TMEM114: variants seen among roughly 807,000 people sequenced by gnomAD.
The protein encoded by TMEM114 is transmembrane protein 114, also known as claudin-26.
A neutral mutation model predicts 6.2 loss-of-function variants in TMEM114; 6 were observed. That is an observed-to-expected ratio of 0.97 (90% CI 0.53 to 1.91). The LOEUF (loss-of-function observed/expected upper bound fraction) is 1.91. Among genes scored for constraint, TMEM114 ranks in the 40% most tolerant of loss-of-function variants. The pLI is 0.01. For missense variants in TMEM114, 218 were observed against 158.3 expected (o/e 1.38, Z -2.02); for synonymous variants, 104 against 73.0 (o/e 1.42, Z -2.16).
chr16:8,554,460 C>T (rs1348549963), intron 2 of TMEM114, among the ~76,000 whole-genome samples: 3 of 152,072 alleles, frequency 2.0e-5, no homozygotes, highest in African/African-American at 7.2e-5. Context: ...GAGAGAATCT[C>T]CTTCTTGACC....
chr16:8,559,602 C>T (rs1021470794), intron 2 of TMEM114, among the ~76,000 whole-genome samples: 1 of 152,292 alleles, frequency 6.6e-6, no homozygotes, highest in South Asian at 2.1e-4. Context: ...TATCAGTCAT[C>T]AAAGCGTTGT....
In TMEM114 at chr16:8,590,048, C is replaced by A. The variant is rs1902436664; in HGVS notation, c.-210G>T. 8 of 378,364 alleles carry A rather than the reference C, an allele frequency of 2.1e-5. No individual in the cohort carries two copies. The highest frequency in any genetic ancestry group is 6.7e-4 in the Middle Eastern group (1 of 1,484). 23.4% of individuals were successfully genotyped at this position (378,364 alleles called of 1,614,324 possible). A position where few individuals can be genotyped will look rare whatever the true frequency, so the allele number is the denominator to read the frequency against. On this transcript the variant is annotated 5_prime_UTR_variant, in exon 1 of 4. Coordinates refer to ENST00000620492, the MANE Select transcript of TMEM114 (RefSeq NM_001146336.2). ...CCGGCTCCGACCTGCACGCGCCCCC[C>A]GCTCAGCCGCCGTCCACGTTCCCAC...
intron 2 of TMEM114, among the ~76,000 whole-genome samples, chr16:8,543,668 G>A (rs185202645): frequency 9.5e-4 from 144 of 152,110 alleles, no homozygotes; most frequent in Non-Finnish European, 8.8e-4. Context: ...GGCTCCTAGA[G>A]CCTCCTGACC....
intron 2 of TMEM114, among the ~76,000 whole-genome samples, chr16:8,574,518 G>A (rs892923211): frequency 2.0e-5 from 3 of 151,932 alleles, no homozygotes; most frequent in South Asian, 2.1e-4. Context: ...GTGATAAAAT[G>A]TGATTACAGG....
chr16:8,533,098 C>G (rs1900262754), downstream of TMEM114, among the ~76,000 whole-genome samples: 1 of 152,008 alleles, frequency 6.6e-6, no homozygotes, highest in Non-Finnish European at 1.5e-5. Context: ...AGTAAAAGTC[C>G]AAAGCTTACA....
At chr16:8,585,231 C>T (rs531553875) in intron 2 of TMEM114, among the ~76,000 whole-genome samples, 5 of 152,316 alleles carry the variant, frequency 3.3e-5, no homozygotes, top group South Asian at 4.1e-4. Context: ...CCCACCAGAT[C>T]CCTCCCACAA....
At chr16:8,553,530 G>A (rs529627322) in intron 2 of TMEM114, among the ~76,000 whole-genome samples, 55 of 152,236 alleles carry the variant, frequency 3.6e-4, no homozygotes, top group African/African-American at 1.3e-3. Flanking sequence ...GTGTCACCCA[G>A]GCTGGAGTGC....
chr16:8,579,281 C>G (rs1418033387), intron 2 of TMEM114, among the ~76,000 whole-genome samples: 1 of 152,070 alleles, frequency 6.6e-6, no homozygotes, highest in Non-Finnish European at 1.5e-5. Flanking sequence ...GTCTCTTACC[C>G]CAGGAACATC....
chr16:8,588,528 T>A (rs1279131141), intron 2 of TMEM114, among the ~76,000 whole-genome samples: 1 of 152,186 alleles, frequency 6.6e-6, no homozygotes. Context: ...TTAGGTTTAT[T>A]TCCCTCCCTC....
At chr16:8,552,740 G>T (rs9928649) in intron 2 of TMEM114, among the ~76,000 whole-genome samples, 1 of 149,370 alleles carries the variant, frequency 6.7e-6, no homozygotes, top group Non-Finnish European at 1.5e-5. Context: ...TGTGCTCTAA[G>T]GTCCTACCTG....
intron 2 of TMEM114, among the ~76,000 whole-genome samples, chr16:8,553,989 A>C (rs1291596115): frequency 6.6e-6 from 1 of 150,886 alleles, no homozygotes; most frequent in Non-Finnish European, 1.5e-5. Context: ...AGCGATTCTC[A>C]TGTGTCAGCC....
chr16:8,541,017 C>T (rs189015241), intron 2 of TMEM114, among the ~76,000 whole-genome samples: 4 of 152,200 alleles, frequency 2.6e-5, no homozygotes, highest in East Asian at 1.9e-4. Flanking sequence ...GAGACTACAA[C>T]GGGGAGTGTA....
chr16:8,562,672 G>GTAACT (rs1901298955), intron 2 of TMEM114, among the ~76,000 whole-genome samples: 2 of 149,054 alleles, frequency 1.3e-5, no homozygotes, highest in African/African-American at 5.2e-5. Flanking sequence ...GAATTAGTGA[G>GTAACT]GGAATGAGTG....
chr16:8,580,342 C>T (rs1902093968), intron 2 of TMEM114, among the ~76,000 whole-genome samples: 2 of 151,964 alleles, frequency 1.3e-5, no homozygotes, highest in Admixed American at 1.3e-4. Flanking sequence ...CAAAAATTAG[C>T]TGGACGTGGT....
intron 2 of TMEM114, among the ~76,000 whole-genome samples, chr16:8,555,768 G>C (rs948279192): frequency 6.6e-6 from 1 of 152,156 alleles, no homozygotes; most frequent in Non-Finnish European, 1.5e-5. Flanking sequence ...TTGCAAAGGG[G>C]GGATGCAGTT....
At chr16:8,581,788 A>G (rs985905162) in intron 2 of TMEM114, among the ~76,000 whole-genome samples, 1 of 152,238 alleles carries the variant, frequency 6.6e-6, no homozygotes. Flanking sequence ...AACTTTTGTT[A>G]GTTTAAAATG....
At chr16:8,529,122 T>G in the TMEM114 span, among the ~76,000 whole-genome samples, 1 of 152,192 alleles carries the variant, frequency 6.6e-6, no homozygotes, top group Non-Finnish European at 1.5e-5. Flanking sequence ...TGGAAGAGAT[T>G]GCAGCTGGCT....
At chr16:8,528,471 C>T in the TMEM114 span, among the ~76,000 whole-genome samples, 10 of 152,160 alleles carry the variant, frequency 6.6e-5, no homozygotes, top group African/African-American at 2.4e-4. Flanking sequence ...TCCAATCACA[C>T]CCTTCCTCAA....
chr16:8,527,881 C>G, the TMEM114 span, among the ~76,000 whole-genome samples: 6 of 152,262 alleles, frequency 3.9e-5, no homozygotes, highest in African/African-American at 1.4e-4. Context: ...GACTGGGTCT[C>G]TAGTTTCATG....
Sources: allele counts gnomAD v4.1 joint callset (sites outside exome capture counted in the v4.1 genomes callset), GRCh38; gene constraint gnomAD v4.1.1; transcripts MANE v1.5; gene names NCBI Gene and HGNC (gene_info 2026-07-23, HGNC 2026-07-21).